The following GBP3 variants were observed in gnomAD, a reference collection of about 807,000 sequenced individuals.
The protein encoded by GBP3 is guanylate-binding protein 3.
In GBP3, 55 loss-of-function variants were observed where a neutral mutation model predicts 62.4. The observed-to-expected ratio is 0.88, with a 90% CI of 0.71 to 1.10. GBP3 has a LOEUF of 1.10. Among genes scored for constraint, GBP3 ranks in the 50% least tolerant of loss-of-function variants. The pLI is 0.00. For synonymous variants in GBP3, 208 were observed against 259.2 expected, an observed-to-expected ratio of 0.80 and a Z score of 1.90; for missense variants, 605 against 690.6, an observed-to-expected ratio of 0.88 and a Z score of 1.39.
intron 10 of GBP3, 95 bp from the exon 11 acceptor site, chr1:89,007,947 A>T: frequency 8.7e-7 from 1 of 1,154,952 alleles, no homozygotes; most frequent in Non-Finnish European, 1.2e-6. Flanking sequence ...TTTAGTACTT[A>T]GTTTTTTTCT....
intron 1 of GBP3, among the ~76,000 whole-genome samples, chr1:89,022,144 T>A (rs1163698147): frequency 6.6e-6 from 1 of 152,136 alleles, no homozygotes; most frequent in Non-Finnish European, 1.5e-5. Context: ...AAATGTGTAA[T>A]AAAAAGTATA....
intron 4 of GBP3, 36 bp from the exon 5 acceptor site, chr1:89,014,315 C>G (rs759330499): frequency 1.2e-6 from 2 of 1,613,778 alleles, no homozygotes; most frequent in Admixed American, 3.3e-5. Flanking sequence ...ACAAAATGAA[C>G]AGGAACCTCA....
At chr1:89,021,008 A>G (rs983985472) in intron 1 of GBP3, among the ~76,000 whole-genome samples, 1 of 152,222 alleles carries the variant, frequency 6.6e-6, no homozygotes, top group South Asian at 2.1e-4. Flanking sequence ...GATTCTCATT[A>G]AAAAATTTAC....
Position 89,007,105 on chromosome 1 carries a change from A to G in GBP3, c.*619T>C, listed in dbSNP as rs891546113. 6.6e-6 allele frequency: 1 copy of G among 152,276 alleles called. No individual in the cohort carries two copies. The highest frequency in any genetic ancestry group is 1.5e-5 in the Non-Finnish European group (1 of 68,066). The allele number at this position is 152,276 out of a possible 1,614,324, so 9.4% of individuals were successfully genotyped here. On this transcript the variant is annotated 3_prime_UTR_variant, in exon 11 of 11. Coordinates refer to ENST00000370481, the MANE Select transcript of GBP3 (RefSeq NM_018284.3). Reference sequence around the variant, plus strand: ...AGGTGTCACATTAAGGTTATAATCTAGATGAATTGAACAAGAAAGAAAAGA... The same window carrying G: ...AGGTGTCACATTAAGGTTATAATCTGGATGAATTGAACAAGAAAGAAAAGA...
chr1:89,007,772 G>T lies in GBP3; in HGVS notation c.1740C>A (p.Thr580=), dbSNP rs1405472009. The T allele has an allele frequency of 1.9e-6, 3 of 1,611,458 alleles. No homozygotes were observed. The highest frequency in any genetic ancestry group is 2.5e-6 in the Non-Finnish European group (3 of 1,178,790). Residue 580 remains threonine, a synonymous_variant, in exon 11 of 11, where the codon ACC becomes ACA. Transcript: ENST00000370481. ...TATATCTCTTGGTTTTTTTTTTCAG[G>T]GTCTTCTGTAGCTTTTGTATCTCAT... The part of the protein sequence containing the change: ...LQNEIQKLQK[T]LKKKTKRYMS...
rs142900270 is a variant in GBP3 at position 89,015,330 on chromosome 1, G to C, written c.275C>G (p.Thr92Ser). 1.2e-4 allele frequency: 194 copies of C among 1,613,442 alleles called. No homozygotes were observed. In the African/African-American group the frequency reaches 2.4e-3, roughly 20 times the overall value. ...GCCCTCAGTGTCAAGCAGGACTAAG[G>C]TGTGTTCTGGCTTTTTGGGGTGAGG... ...CVPHPKKPEHTLVLLDTEGLG... is the reference protein window; with the variant it reads ...CVPHPKKPEHSLVLLDTEGLG... Residue 92 changes from threonine (T) to serine (S), a missense_variant, in exon 3 of 11, where the codon ACC becomes AGC. By Grantham distance (58) the Thr-to-Ser change is moderately conservative. Transcript: ENST00000370481.
chr1:89,007,656 C>T lies in GBP3; in HGVS notation c.*68G>A. ...ATCTAATTATTATCAAATATAGTGA[C>T]ACTTGTTCCAAATTCTAAAATTGTT... On this transcript the variant is annotated 3_prime_UTR_variant, in exon 11 of 11. Coordinates refer to ENST00000370481, the MANE Select transcript of GBP3 (RefSeq NM_018284.3). The T allele has an allele frequency of 2.1e-6, 3 of 1,427,970 alleles. No homozygotes were observed. The highest frequency in any genetic ancestry group is 2.9e-6 in the Non-Finnish European group (3 of 1,036,108). The allele number at this position is 1,427,970 out of a possible 1,614,324, so 88.5% of individuals were successfully genotyped here.
chr1:89,015,255 G>T (rs1261645162), intron 3 of GBP3, 32 bp downstream of exon 3: 1 of 1,556,160 alleles, frequency 6.4e-7, no homozygotes, highest in Non-Finnish European at 8.7e-7. Context: ...GAGATGAGGG[G>T]CTTATTTCAA....
intron 5 of GBP3, 161 bp from the exon 6 acceptor site, chr1:89,013,588 G>C (rs1678711544): frequency 1.4e-6 from 1 of 716,440 alleles, no homozygotes; most frequent in Non-Finnish European, 2.2e-6. Context: ...AAATGAATGG[G>C]CATAGCATTC....
intron 2 of GBP3, among the ~76,000 whole-genome samples, chr1:89,017,491 CTT>C (rs1337075031): frequency 6.6e-6 from 1 of 152,090 alleles, no homozygotes; most frequent in East Asian, 1.9e-4. Flanking sequence ...AAATGAAAAA[CTT>C]TTGTGCATCA....
At chr1:89,011,246 G>C in intron 7 of GBP3, 130 bp from the exon 8 acceptor site, 1 of 1,186,910 alleles carries the variant, frequency 8.4e-7, no homozygotes, top group Non-Finnish European at 1.2e-6. Flanking sequence ...TCCTCAGCAG[G>C]ACCACGCTCT....
chr1:89,020,708 A>G lies in GBP3; in HGVS notation c.14T>C (p.Ile5Thr). 2.5e-6 allele frequency: 4 copies of G among 1,613,980 alleles called. No individual in the cohort carries two copies. Among genetic ancestry groups the G allele is most frequent in the East Asian group, 4.5e-5 (2 of 44,876 alleles). The stretch of plus-strand genomic sequence containing the variant: ...GAGGCACATTGGGCCTGTCATGTGG[A>G]TCTCTGGAGCCATGTCCAGGGCATT... MAPE[I>T]HMTGPMCLIE... is the part of the protein sequence containing the mutation. Residue 5 changes from isoleucine to threonine, a missense_variant, in exon 2 of 11, where the codon ATC becomes ACC. Physicochemically the swap from Ile to Thr is moderately conservative, Grantham distance 89. Coordinates refer to ENST00000370481, the MANE Select transcript of GBP3 (RefSeq NM_018284.3).
At position 89,007,283 on chromosome 1, in the gene GBP3, C is replaced by A. The variant is rs1678268272; in HGVS notation, c.*441G>T. On this transcript the variant is annotated 3_prime_UTR_variant, in exon 11 of 11. Coordinates refer to ENST00000370481, the MANE Select transcript of GBP3 (RefSeq NM_018284.3). The stretch of plus-strand genomic sequence containing the variant: ...AGTGAGAATTATCCATGGGCAATGT[C>A]CAGAAATCACATTATTGCTCATAGA... 1 of 153,004 alleles carries A rather than the reference C, an allele frequency of 6.5e-6. No homozygotes were observed. Among genetic ancestry groups the A allele is most frequent in the African/African-American group, 2.4e-5 (1 of 41,458 alleles). 9.5% of individuals were successfully genotyped at this position (153,004 alleles called of 1,614,324 possible).
intron 5 of GBP3, chr1:89,013,715 T>C (rs983759603): frequency 9.6e-6 from 4 of 418,238 alleles, no homozygotes; most frequent in African/African-American, 2.0e-5. Context: ...ATCTATGTTC[T>C]TTAAGTAAAT....
chr1:89,021,369 T>C (rs1679180545), intron 1 of GBP3, among the ~76,000 whole-genome samples: 1 of 152,150 alleles, frequency 6.6e-6, no homozygotes, highest in African/African-American at 2.4e-5. Flanking sequence ...TTCCAAGGGC[T>C]TTGAAGGGGC....
At chr1:89,011,254 T>C (rs1232460430) in intron 7 of GBP3, 138 bp from the exon 8 acceptor site, 1 of 1,133,622 alleles carries the variant, frequency 8.8e-7, no homozygotes, top group Non-Finnish European at 1.3e-6. Context: ...AGGACCACGC[T>C]CTTACTCCTG....
At position 89,011,098 on chromosome 1, in the gene GBP3, G is replaced by T. The variant is rs374345130; in HGVS notation, c.1168C>A (p.Arg390=). ...KKLAAQLDKK[R]DDFCKQNQEA... ...TGATTCTGTTTACAAAAGTCATCCC[G>T]CTTTTTGTCTAGCTGGGCCTTTAAT... Residue 390 remains arginine (R), a synonymous_variant, in exon 8 of 11, where the codon CGG becomes AGG. Transcript: ENST00000370481. 1.4e-6 allele frequency: 2 copies of T among 1,461,750 alleles called. 1 individual carries two copies. The highest frequency in any genetic ancestry group is 1.9e-6 in the Non-Finnish European group (2 of 1,054,990). 90.5% of individuals were successfully genotyped at this position (1,461,750 alleles called of 1,614,324 possible).
chr1:89,020,780 G>T lies in GBP3; in HGVS notation c.-22-37C>A, dbSNP rs1039432178. The T allele has an allele frequency of 3.2e-6, 5 of 1,564,340 alleles. No individual in the cohort carries two copies. The Admixed American group carries it at 7.0e-5, about 22-fold the overall frequency. ...GAGTTGGAATGAATTAGAATTTCCA[G>T]TCTTTTGCATTTAGAGGATAGAGTC... On this transcript the variant is annotated intron_variant, in intron 1 of 10. Coordinates refer to ENST00000370481, the MANE Select transcript of GBP3 (RefSeq NM_018284.3).
intron 1 of GBP3, among the ~76,000 whole-genome samples, chr1:89,021,091 A>C (rs1679164870): frequency 6.6e-6 from 1 of 152,214 alleles, no homozygotes; most frequent in Non-Finnish European, 1.5e-5. Context: ...GTAAGAAATT[A>C]AATATTGATT....
Sources: gnomAD v4.1 joint callset for allele counts (sites outside exome capture counted in the v4.1 genomes callset) on GRCh38, gnomAD v4.1.1 for gene constraint, MANE v1.5 for transcripts, NCBI Gene and HGNC (gene_info 2026-07-23, HGNC 2026-07-21) for gene names.